MBD5: variants seen among roughly 807,000 people sequenced by gnomAD.
MBD5 encodes the protein methyl-CpG binding domain protein 5, also known as methyl-CpG-binding domain protein 5.
A neutral mutation model predicts 117.3 loss-of-function variants in MBD5; 13 were observed. The observed-to-expected ratio is 0.11, with a 90% CI of 0.07 to 0.18. The LOEUF is 0.18. MBD5 is among the 10% of genes least tolerant of loss of function. The probability of loss-of-function intolerance (pLI) is 1.00; values close to 1 mark genes in which losing one functional copy is unlikely to be tolerated. For synonymous variants in MBD5, 727 were observed against 766.4 expected (o/e 0.95, Z 0.85); for missense variants, 1,879 against 2,093.8 (o/e 0.90, Z 2.00).
At chr2:148,374,240 TACACACACACAC>T (rs57110874) in intron 4 of MBD5, among the ~76,000 whole-genome samples, 57 of 141,970 alleles carry the variant, frequency 4.0e-4, no homozygotes, top group South Asian at 1.2e-3. Context: ...TGTTTATGCA[TACACACACACAC>T]ACACACACAC....
At chr2:148,044,894 TC>T (rs1218466805) in intron 1 of MBD5, 1 of 152,140 alleles carries the variant, frequency 6.6e-6, no homozygotes, top group Admixed American at 6.5e-5. Flanking sequence ...GTTGGTGATT[TC>T]CCTGCTGCCT....
intron 1 of MBD5, among the ~76,000 whole-genome samples, chr2:148,171,908 C>T (rs1264777433): frequency 6.6e-6 from 1 of 152,240 alleles, no homozygotes; most frequent in African/African-American, 2.4e-5. Flanking sequence ...CACTGTGACT[C>T]ATACCTATAA....
chr2:148,398,365 C>G (rs1704800703), intron 4 of MBD5, among the ~76,000 whole-genome samples: 1 of 151,480 alleles, frequency 6.6e-6, no homozygotes, highest in Non-Finnish European at 1.5e-5. Context: ...GAGATGGTAT[C>G]TCATTGTGGT....
chr2:148,416,935 C>G (rs1044804272), intron 4 of MBD5, among the ~76,000 whole-genome samples: 1 of 152,146 alleles, frequency 6.6e-6, no homozygotes, highest in African/African-American at 2.4e-5. Flanking sequence ...CCAAGTTTCT[C>G]CAAAAGACAT....
chr2:148,456,756 T>C (rs2105521880), intron 4 of MBD5, among the ~76,000 whole-genome samples: 1 of 152,274 alleles, frequency 6.6e-6, no homozygotes, highest in East Asian at 1.9e-4. Flanking sequence ...AAATTTTTGA[T>C]ATTTTCCCCA....
At chr2:148,322,175 G>C (rs1559021703) in intron 3 of MBD5, among the ~76,000 whole-genome samples, 1 of 152,134 alleles carries the variant, frequency 6.6e-6, no homozygotes, top group Non-Finnish European at 1.5e-5. Flanking sequence ...TATTCATAAA[G>C]GTATACAACA....
intron 1 of MBD5, among the ~76,000 whole-genome samples, chr2:148,035,359 A>C (rs1694163219): frequency 1.3e-5 from 2 of 152,132 alleles, no homozygotes; most frequent in African/African-American, 4.8e-5. Flanking sequence ...GTTATGCGTT[A>C]AAAATTTTTT....
Position 148,468,535 on chromosome 2 carries a change from T to C in MBD5, c.592T>C (p.Tyr198His). 1 of 1,613,876 alleles carries C rather than the reference T, an allele frequency of 6.2e-7. No homozygotes were observed. Among genetic ancestry groups the C allele is most frequent in the Non-Finnish European group, 8.5e-7 (1 of 1,179,862 alleles). ...GSQQQELHPV[Y>H]PRQRLGSSEH... ...CCAACAACAAGAACTCCACCCTGTC[T>C]ACCCCCGACAGAGATTGGGCAGCAG... Residue 198 changes from tyrosine (Y) to histidine (H), a missense_variant, in exon 8 of 14, where the codon TAC becomes CAC. Tyr to His is a moderately conservative substitution (Grantham distance 83). Transcript: ENST00000642680.
chr2:148,365,794 T>C (rs1162469574), intron 4 of MBD5, among the ~76,000 whole-genome samples: 1 of 151,890 alleles, frequency 6.6e-6, no homozygotes, highest in Non-Finnish European at 1.5e-5. Flanking sequence ...GTCGAATCAC[T>C]GAATAGACCA....
At chr2:148,462,192 T>A (rs1370685840) in intron 5 of MBD5, among the ~76,000 whole-genome samples, 1 of 152,184 alleles carries the variant, frequency 6.6e-6, no homozygotes, top group Non-Finnish European at 1.5e-5. Flanking sequence ...CTGTTTTTCC[T>A]CAAAGAGCTT....
chr2:148,149,088 A>T (rs1250078718), intron 1 of MBD5, among the ~76,000 whole-genome samples: 2 of 129,688 alleles, frequency 1.5e-5, no homozygotes, highest in African/African-American at 6.0e-5. Context: ...ATCCCTCCCC[A>T]CTCCCCCCAC....
chr2:148,426,246 A>C (rs1010845480), intron 4 of MBD5, among the ~76,000 whole-genome samples: 1 of 152,226 alleles, frequency 6.6e-6, no homozygotes, highest in African/African-American at 2.4e-5. Flanking sequence ...TTATAGATTC[A>C]ATGCCATCCC....
At chr2:148,454,321 C>T (rs146571059) in intron 4 of MBD5, among the ~76,000 whole-genome samples, 63 of 152,066 alleles carry the variant, frequency 4.1e-4, no homozygotes, top group Admixed American at 5.2e-4. Flanking sequence ...GATTGATATA[C>T]CAATAGATGA....
chr2:148,128,689 C>T (rs1696961350), intron 1 of MBD5, among the ~76,000 whole-genome samples: 2 of 152,114 alleles, frequency 1.3e-5, no homozygotes, highest in Admixed American at 1.3e-4. Context: ...ACAATATATG[C>T]CTTACTCAAG....
chr2:148,123,448 G>C (rs1427582059), intron 1 of MBD5, among the ~76,000 whole-genome samples: 2 of 151,846 alleles, frequency 1.3e-5, no homozygotes, highest in Non-Finnish European at 2.9e-5. Context: ...TGACTGACTT[G>C]ATTGAGAGCC....
rs112903693 is a variant in MBD5, at chr2:148,317,293, C to T, written c.-679-24921C>T. On this transcript the variant is annotated intron_variant, in intron 3 of 13. Coordinates refer to ENST00000642680, the MANE Select transcript of MBD5 (RefSeq NM_001378120.1). Reference sequence around the variant, plus strand: ...CTGAGGCAGGAGAATCACTTGAACCCGAGAGGCAGAGGTTGCAGTGAGCCG... The same window carrying T: ...CTGAGGCAGGAGAATCACTTGAACCTGAGAGGCAGAGGTTGCAGTGAGCCG... 4.9e-3 allele frequency among the ~76,000 whole-genome samples: 741 copies of T among 151,854 alleles called. 8 individuals carry two copies. The highest frequency in any genetic ancestry group is 0.017 in the African/African-American group (690 of 41,440).
At chr2:148,327,465 A>G (rs1702490147) in intron 3 of MBD5, among the ~76,000 whole-genome samples, 1 of 152,114 alleles carries the variant, frequency 6.6e-6, no homozygotes, top group Non-Finnish European at 1.5e-5. Context: ...TCTCCCCATC[A>G]CTTTCAGGTA....
intron 1 of MBD5, chr2:148,062,637 G>A (rs1573970335): frequency 1.3e-5 from 2 of 151,814 alleles, no homozygotes; most frequent in Admixed American, 1.3e-4. Flanking sequence ...TTTGAACTTT[G>A]GTTTAGGAAG....
chr2:148,422,965 T>G (rs953166612), intron 4 of MBD5, among the ~76,000 whole-genome samples: 1 of 152,134 alleles, frequency 6.6e-6, no homozygotes, highest in Non-Finnish European at 1.5e-5. Context: ...TTAGCATACC[T>G]GAAAGTGACG....
Sources: gnomAD v4.1 joint callset for allele counts (sites outside exome capture counted in the v4.1 genomes callset) on GRCh38, gnomAD v4.1.1 for gene constraint, MANE v1.5 for transcripts, NCBI Gene and HGNC (gene_info 2026-07-23, HGNC 2026-07-21) for gene names.